The following ZNF521 variants were observed in gnomAD, a reference collection of about 807,000 sequenced individuals.
ZNF521 encodes LYST-interacting protein 3.
Under a neutral mutation model 105.5 loss-of-function variants are expected in ZNF521, and 14 were observed. That is an observed-to-expected ratio of 0.13 (90% CI 0.09 to 0.21). ZNF521 has a LOEUF of 0.21. Among genes scored for constraint, ZNF521 ranks in the 10% least tolerant of loss-of-function variants. The pLI, the probability that ZNF521 is intolerant of heterozygous loss-of-function variation, is 1.00. For synonymous variants in ZNF521, 635 were observed against 606.0 expected (o/e 1.05, Z -0.70); for missense variants, 1,233 against 1,629.7 (o/e 0.76, Z 4.19).
intron 3 of ZNF521, among the ~76,000 whole-genome samples, chr18:25,251,142 G>A (rs1908091402): frequency 6.6e-6 from 1 of 152,182 alleles, no homozygotes; most frequent in African/African-American, 2.4e-5. Flanking sequence ...TCTGCAGGGA[G>A]AAAATGCCGA....
intron 3 of ZNF521, among the ~76,000 whole-genome samples, chr18:25,263,292 T>C (rs369724422): frequency 2.6e-5 from 4 of 151,980 alleles, no homozygotes; most frequent in Admixed American, 6.6e-5. Flanking sequence ...ATTCTGACCA[T>C]GATCAAGATA....
chr18:25,211,761 A>T (rs1409484549), intron 4 of ZNF521, among the ~76,000 whole-genome samples: 1 of 152,174 alleles, frequency 6.6e-6, no homozygotes, highest in Admixed American at 6.5e-5. Flanking sequence ...TTTGTGATTT[A>T]TATTGTGTGG....
intron 2 of ZNF521, among the ~76,000 whole-genome samples, chr18:25,331,115 A>G (rs996656167): frequency 4.6e-5 from 7 of 152,192 alleles, no homozygotes; most frequent in Non-Finnish European, 8.8e-5. Context: ...AGATTCAACA[A>G]TGACACATTT....
chr18:25,317,938 T>C (rs1039053061), intron 3 of ZNF521, among the ~76,000 whole-genome samples: 1 of 152,162 alleles, frequency 6.6e-6, no homozygotes, highest in Non-Finnish European at 1.5e-5. Context: ...TCATATCTCA[T>C]GCCCTTCACC....
chr18:25,181,196 CT>C (rs2035625999), intron 5 of ZNF521, among the ~76,000 whole-genome samples: 1 of 152,174 alleles, frequency 6.6e-6, no homozygotes, highest in African/African-American at 2.4e-5. Flanking sequence ...AGCCTATGGG[CT>C]TCATGTTTTT....
intron 5 of ZNF521, among the ~76,000 whole-genome samples, chr18:25,146,014 T>C (rs2034935988): frequency 7.1e-6 from 1 of 139,936 alleles, no homozygotes; most frequent in Non-Finnish European, 1.7e-5. Context: ...GTACCAGGCA[T>C]GGTGCTTAAT....
At chr18:25,135,175 A>G (rs1567977089) in intron 5 of ZNF521, among the ~76,000 whole-genome samples, 1 of 152,116 alleles carries the variant, frequency 6.6e-6, no homozygotes, top group African/African-American at 2.4e-5. Context: ...AACATGAATA[A>G]AAGGACAAGA....
intron 5 of ZNF521, among the ~76,000 whole-genome samples, chr18:25,120,675 T>C (rs926602650): frequency 1.3e-5 from 2 of 151,190 alleles, no homozygotes; most frequent in Admixed American, 1.3e-4. Flanking sequence ...GTCAGCCACA[T>C]GAGTATACTA....
chr18:25,198,116 TAA>T (rs1235360882), intron 4 of ZNF521, among the ~76,000 whole-genome samples: 3 of 151,932 alleles, frequency 2.0e-5, no homozygotes, highest in African/African-American at 7.2e-5. Flanking sequence ...AGTACATTTT[TAA>T]AAGAGACTTT....
At chr18:25,335,239 T>C (rs1426720103) in intron 2 of ZNF521, among the ~76,000 whole-genome samples, 7 of 152,180 alleles carry the variant, frequency 4.6e-5, no homozygotes, top group Non-Finnish European at 5.9e-5. Context: ...CCATGAAAGG[T>C]AGTTCCTAGA....
At chr18:25,133,646 C>T (rs2034679821) in intron 5 of ZNF521, among the ~76,000 whole-genome samples, 1 of 152,066 alleles carries the variant, frequency 6.6e-6, no homozygotes, top group African/African-American at 2.4e-5. Context: ...CAAAAATAAA[C>T]TTTATTTTCT....
chr18:25,189,699 T>G (rs1224515607), intron 5 of ZNF521, among the ~76,000 whole-genome samples: 1 of 152,174 alleles, frequency 6.6e-6, no homozygotes, highest in East Asian at 1.9e-4. Flanking sequence ...ATTTAATCTA[T>G]CCCCAGATCA....
intron 3 of ZNF521, among the ~76,000 whole-genome samples, chr18:25,314,464 G>A (rs1912495403): frequency 6.6e-6 from 1 of 152,140 alleles, no homozygotes; most frequent in South Asian, 2.1e-4. Flanking sequence ...GAAGCTTCCA[G>A]GAAGTTTCAT....
chr18:25,068,256 G>A (rs999252248), intron 7 of ZNF521, among the ~76,000 whole-genome samples: 50 of 152,200 alleles, frequency 3.3e-4, no homozygotes, highest in African/African-American at 8.9e-4. Context: ...ACAGCACCAT[G>A]GCAGCATGTT....
chr18:25,310,892 T>A (rs1912270394), intron 3 of ZNF521, among the ~76,000 whole-genome samples: 1 of 152,222 alleles, frequency 6.6e-6, no homozygotes, highest in South Asian at 2.1e-4. Flanking sequence ...TTTAGCACTT[T>A]TAATGTGTGT....
intron 5 of ZNF521, among the ~76,000 whole-genome samples, chr18:25,134,502 C>T (rs1477772660): frequency 1.3e-5 from 2 of 152,064 alleles, no homozygotes; most frequent in African/African-American, 2.4e-5. Context: ...GACAATATTC[C>T]CATCTGCTTA....
chr18:25,075,139 G>A (rs1246426899), intron 7 of ZNF521, among the ~76,000 whole-genome samples: 1 of 152,140 alleles, frequency 6.6e-6, no homozygotes. Context: ...TGCATAAAGG[G>A]CCAGGCAACG....
intron 2 of ZNF521, among the ~76,000 whole-genome samples, chr18:25,332,941 T>C (rs1422621528): frequency 6.6e-6 from 1 of 152,130 alleles, no homozygotes; most frequent in African/African-American, 2.4e-5. Context: ...TGTAAATTAA[T>C]AGTTGTTCGT....
intron 2 of ZNF521, among the ~76,000 whole-genome samples, chr18:25,336,487 G>A (rs1019958161): frequency 1.2e-4 from 18 of 152,190 alleles, no homozygotes; most frequent in African/African-American, 4.1e-4. Context: ...ACACCAATCC[G>A]ACTTACCAAA....
Sources: gnomAD v4.1 joint callset for allele counts (sites outside exome capture counted in the v4.1 genomes callset) on GRCh38, gnomAD v4.1.1 for gene constraint, MANE v1.5 for transcripts, NCBI Gene and HGNC (gene_info 2026-07-23, HGNC 2026-07-21) for gene names.